SEPTIN11: variants seen among roughly 807,000 people sequenced by gnomAD.
SEPTIN11 encodes the protein septin 11, also known as septin-11.
SEPTIN11 carries 25 observed loss-of-function variants against 51.4 expected under a neutral mutation model. That is an observed-to-expected ratio of 0.49 (90% CI 0.35 to 0.68). SEPTIN11 has a LOEUF of 0.68. SEPTIN11 is among the 30% of genes least tolerant of loss of function. SEPTIN11 has a pLI of 0.00. For missense variants in SEPTIN11, 381 were observed against 520.8 expected (o/e 0.73, Z 2.61); for synonymous variants, 174 against 184.1 (o/e 0.95, Z 0.44).
In SEPTIN11 at chr4:76,986,921, C is replaced by T. The variant is rs542009971; in HGVS notation, c.28-9504C>T. 2.0e-5 allele frequency among the ~76,000 whole-genome samples: 3 copies of T among 152,080 alleles called. No individual in the cohort carries two copies. In the South Asian group the frequency reaches 6.2e-4, roughly 32 times the overall value. ...ACAAAACAATTAAAAGGTAACATTT[C>T]CCGAAAATCTTACCAGCCCCAAAGA... On this transcript the variant is annotated intron_variant, in intron 1 of 9. Coordinates refer to ENST00000264893, the MANE Select transcript of SEPTIN11 (RefSeq NM_018243.4).
At chr4:76,979,272 T>G (rs923836251) in intron 1 of SEPTIN11, among the ~76,000 whole-genome samples, 1 of 152,132 alleles carries the variant, frequency 6.6e-6, no homozygotes, top group African/African-American at 2.4e-5. Context: ...CTTTATAAAA[T>G]AAGAAGCAAT....
chr4:76,952,618 G>T (rs976267800), intron 1 of SEPTIN11, among the ~76,000 whole-genome samples: 4 of 152,156 alleles, frequency 2.6e-5, no homozygotes, highest in African/African-American at 4.8e-5. Context: ...CTAAATTCAG[G>T]TAAGTTTCTT....
chr4:76,986,096 T>C (rs1181329278), intron 1 of SEPTIN11, among the ~76,000 whole-genome samples: 2 of 152,160 alleles, frequency 1.3e-5, no homozygotes, highest in African/African-American at 4.8e-5. Context: ...AAGTCTTCAC[T>C]GTCCAATTCA....
chr4:77,033,968 G>A (rs1300803130), intron 9 of SEPTIN11, among the ~76,000 whole-genome samples: 3 of 152,110 alleles, frequency 2.0e-5, no homozygotes, highest in Non-Finnish European at 4.4e-5. Context: ...TCCAGTGATT[G>A]TCCTTTTTTT....
At position 77,016,633 on chromosome 4, in the gene SEPTIN11, C is replaced by CACATATATATATATATATATATATATAT. The variant is rs1375044162; in HGVS notation, c.687+1617_687+1618insCATATATATATATATATATATATATATA. Among the ~76,000 whole-genome samples the CACATATATATATATATATATATATATAT allele has an allele frequency of 2.2e-4, 16 of 72,734 alleles. 1 individual carries two copies. The South Asian group carries it at 2.6e-3, about 12-fold the overall frequency. The allele number at this position is 72,734 out of a possible 152,430, so 47.7% of individuals were successfully genotyped here. A position where few individuals can be genotyped will look rare whatever the true frequency, so the allele number is the denominator to read the frequency against. ...ATATACACATATATATATATATACA[C>CACATATATATATATATATATATATATAT]ATATATATATATATATATATATACA... On this transcript the variant is annotated intron_variant, in intron 5 of 9. Transcript: ENST00000264893.
chr4:76,992,330 G>T (rs1321392867), intron 1 of SEPTIN11, among the ~76,000 whole-genome samples: 1 of 152,112 alleles, frequency 6.6e-6, no homozygotes, highest in Non-Finnish European at 1.5e-5. Flanking sequence ...TAATGTATTG[G>T]ATTTTTATAA....
intron 3 of SEPTIN11, among the ~76,000 whole-genome samples, chr4:77,006,022 G>A (rs1724457818): frequency 6.6e-6 from 1 of 152,138 alleles, no homozygotes; most frequent in African/African-American, 2.4e-5. Flanking sequence ...GGATCAGAAA[G>A]GGGCTTTATT....
At chr4:76,967,328 C>T (rs764438583) in intron 1 of SEPTIN11, among the ~76,000 whole-genome samples, 6 of 152,214 alleles carry the variant, frequency 3.9e-5, no homozygotes, top group South Asian at 2.1e-4. Flanking sequence ...AATTAGGTTC[C>T]GTGTTGAATT....
At chr4:77,009,711 T>G (rs1036874105) in intron 3 of SEPTIN11, 2 of 152,264 alleles carry the variant, frequency 1.3e-5, no homozygotes, top group African/African-American at 4.8e-5. Context: ...ATATTTGGAC[T>G]ACTATTGAGA....
chr4:77,036,094 C>CT lies in SEPTIN11; in HGVS notation c.*1582_*1583insT, dbSNP rs1727005469. The CT allele has an allele frequency of 2.0e-6, 2 of 985,740 alleles. No homozygotes were observed. The highest frequency in any genetic ancestry group is 3.5e-5 in the African/African-American group (2 of 57,186). The allele number at this position is 985,740 out of a possible 1,614,324, so 61.1% of individuals were successfully genotyped here. On this transcript the variant is annotated 3_prime_UTR_variant, in exon 10 of 10. Coordinates refer to ENST00000264893, the MANE Select transcript of SEPTIN11 (RefSeq NM_018243.4). ...TTTTTCTCCTTTTCTTTGTCCTCAA[C>CT]CATACTTAGAGGAAAGAAGGAATGG...
At chr4:76,956,993 TGAGAGAGA>T (rs149722958) in intron 1 of SEPTIN11, among the ~76,000 whole-genome samples, 37 of 98,470 alleles carry the variant, frequency 3.8e-4, no homozygotes, top group Admixed American at 8.1e-4. Flanking sequence ...TGTGTGTGTG[TGAGAGAGA>T]GAGAGACAGA....
chr4:77,027,897 G>A (rs1726293018), intron 7 of SEPTIN11, among the ~76,000 whole-genome samples: 1 of 152,160 alleles, frequency 6.6e-6, no homozygotes, highest in Admixed American at 6.5e-5. Flanking sequence ...AAGACAGTCA[G>A]GAGGAGGATA....
intron 7 of SEPTIN11, among the ~76,000 whole-genome samples, chr4:77,026,355 G>A (rs1335321753): frequency 6.6e-6 from 1 of 152,160 alleles, no homozygotes; most frequent in African/African-American, 2.4e-5. Flanking sequence ...AATCACATGG[G>A]AAGCATTTAA....
intron 1 of SEPTIN11, among the ~76,000 whole-genome samples, chr4:76,951,212 G>A (rs1220798975): frequency 6.6e-6 from 1 of 152,158 alleles, no homozygotes; most frequent in East Asian, 1.9e-4. Flanking sequence ...CTCGGGAGAA[G>A]TTCATGGGTC....
intron 1 of SEPTIN11, among the ~76,000 whole-genome samples, chr4:76,962,638 G>GT (rs1560695132): frequency 6.6e-6 from 1 of 152,016 alleles, no homozygotes; most frequent in African/African-American, 2.4e-5. Context: ...TTTTGTGTTT[G>GT]TTTTTTTCCT....
chr4:76,949,796 G>A lies in SEPTIN11; in HGVS notation c.-108G>A, dbSNP rs1294770294. The A allele has an allele frequency of 1.6e-6, 2 of 1,244,930 alleles. No individual in the cohort carries two copies. Among genetic ancestry groups the A allele is most frequent in the East Asian group, 2.9e-5 (1 of 34,402 alleles). 77.1% of individuals were successfully genotyped at this position (1,244,930 alleles called of 1,614,324 possible). A position where few individuals can be genotyped will look rare whatever the true frequency, so the allele number is the denominator to read the frequency against. On this transcript the variant is annotated 5_prime_UTR_variant, in exon 1 of 10. Coordinates refer to ENST00000264893, the MANE Select transcript of SEPTIN11 (RefSeq NM_018243.4). ...CCAGCGGGACGCCGGCGAGCAGAGC[G>A]CAGCCGCGAGGGAGGCGCGAGGGAG...
intron 1 of SEPTIN11, among the ~76,000 whole-genome samples, chr4:76,975,744 G>C (rs1160026220): frequency 6.6e-6 from 1 of 152,100 alleles, no homozygotes; most frequent in Non-Finnish European, 1.5e-5. Flanking sequence ...GAGGACCCAA[G>C]GATTCTCTTA....
intron 3 of SEPTIN11, among the ~76,000 whole-genome samples, chr4:77,008,633 C>CT (rs1724649257): frequency 6.6e-6 from 1 of 152,068 alleles, no homozygotes; most frequent in Non-Finnish European, 1.5e-5. Context: ...ATCACATTGT[C>CT]TAAGTATCTT....
chr4:77,007,024 T>A (rs915935987), intron 3 of SEPTIN11, among the ~76,000 whole-genome samples: 1 of 152,192 alleles, frequency 6.6e-6, no homozygotes, highest in Non-Finnish European at 1.5e-5. Context: ...AAATGGACTA[T>A]CTGTACATTG....
Sources: gnomAD v4.1 joint callset for allele counts (sites outside exome capture counted in the v4.1 genomes callset) on GRCh38, gnomAD v4.1.1 for gene constraint, MANE v1.5 for transcripts, NCBI Gene and HGNC (gene_info 2026-07-23, HGNC 2026-07-21) for gene names.